Variants in UBXN11 observed in about 807,000 individuals in gnomAD.
The protein encoded by UBXN11 is UBX domain-containing protein 11.
In UBXN11, 47 loss-of-function variants were observed where a neutral mutation model predicts 62.8. That is an observed-to-expected ratio of 0.75 (90% CI 0.59 to 0.95). UBXN11 has a LOEUF of 0.95. Among genes scored for constraint, UBXN11 ranks in the 40% least tolerant of loss-of-function variants. UBXN11 has a pLI of 0.00. For synonymous variants in UBXN11, 294 were observed against 267.0 expected (o/e 1.10, Z -0.99); for missense variants, 638 against 661.7 (o/e 0.96, Z 0.39).
At chr1:26,310,748 A>G (rs1178874565), upstream of UBXN11, among the ~76,000 whole-genome samples, 31 of 132,888 alleles carry the variant, frequency 2.3e-4, no homozygotes, top group African/African-American at 8.0e-4. Context: ...AAAAAAAAAA[A>G]GGTGTTTTTT....
At chr1:26,301,608 C>G (rs2073535784) in intron 3 of UBXN11, 86 bp downstream of exon 3, 5 of 1,567,926 alleles carry the variant, frequency 3.2e-6, no homozygotes, top group Admixed American at 3.7e-5. Flanking sequence ...AAGGGCCTTT[C>G]TCGTGTGATT....
rs377372695 is a variant in UBXN11, at chr1:26,296,958, C to A, written c.393G>T (p.Thr131=). The A allele has an allele frequency of 1.2e-6, 2 of 1,607,948 alleles. No homozygotes were observed. Among genetic ancestry groups the A allele is most frequent in the Admixed American group, 1.7e-5 (1 of 59,290 alleles). ...ATLQRQEELE[T]MCVQLQRQVR... is the part of the protein sequence containing the mutation. ...CCTGCCGCTGCAGCTGCACACACAT[C>A]GTCTCCAGTTCCTCCTGCCGCTGCA... Residue 131 remains threonine (T), a synonymous_variant, in exon 7 of 15, where the codon ACG becomes ACT. Transcript: ENST00000374222.
chr1:26,292,050 C>A (rs1410473163), intron 8 of UBXN11, among the ~76,000 whole-genome samples: 1 of 152,198 alleles, frequency 6.6e-6, no homozygotes, highest in Non-Finnish European at 1.5e-5. Flanking sequence ...TTCTCACCAT[C>A]CCCACCCTCA....
chr1:26,293,144 G>A (rs1018477302), intron 8 of UBXN11, among the ~76,000 whole-genome samples: 5 of 152,184 alleles, frequency 3.3e-5, no homozygotes, highest in African/African-American at 9.7e-5. Flanking sequence ...GGCGCTCTGC[G>A]TTTAACTCAT....
rs1316227565 is a variant in UBXN11 at position 26,284,240 on chromosome 1, T to C, written c.979A>G (p.Arg327Gly). 5 of 1,612,070 alleles carry C rather than the reference T, an allele frequency of 3.1e-6. No homozygotes were observed. The highest frequency in any genetic ancestry group is 1.3e-5 in the African/African-American group (1 of 74,990). The change falls in exon 12 of 15, where the codon AGG (arginine) becomes GGG (glycine). Residue 327 changes from arginine to glycine, a missense_variant. By Grantham distance (125) the Arg-to-Gly change is moderately radical. Coordinates refer to ENST00000374222, the MANE Select transcript of UBXN11 (RefSeq NM_001389556.1). ...LDRVEEHPGSRMTAEKFLNRL... is the reference protein window; with the variant it reads ...LDRVEEHPGSGMTAEKFLNRL... The stretch of plus-strand genomic sequence containing the variant: ...TTCAGAAATTTCTCAGCAGTCATCC[T>C]GGAGCCTACAGGCAGAGTTGGGAAC...
chr1:26,288,103 C>G (rs769649881), intron 8 of UBXN11, among the ~76,000 whole-genome samples: 12 of 152,026 alleles, frequency 7.9e-5, no homozygotes, highest in Non-Finnish European at 1.6e-4. Flanking sequence ...GATGGGGTCT[C>G]GCTGTGTTAC....
upstream of UBXN11, among the ~76,000 whole-genome samples, chr1:26,308,608 T>C (rs1367948917): frequency 1.3e-5 from 2 of 152,168 alleles, no homozygotes; most frequent in Non-Finnish European, 2.9e-5. Context: ...TGAGAAAGAC[T>C]GAGATCATGT....
rs2073108276 is a variant in UBXN11 at position 26,285,519 on chromosome 1, T to C, written c.797A>G (p.Asp266Gly). ...STQRCLRDIL[D>G]GFFPSELQRL... The stretch of plus-strand genomic sequence containing the variant: ...CTGGAGCTCTGAGGGAAAGAAGCCA[T>C]CCAATATGTCTCGGAGGCAGCGCTG... Residue 266 changes from aspartate to glycine, a missense_variant, in exon 10 of 15, where the codon GAT becomes GGT. Asp to Gly is a moderately conservative substitution (Grantham distance 94). Coordinates refer to ENST00000374222, the MANE Select transcript of UBXN11 (RefSeq NM_001389556.1). 1 of 1,595,520 alleles carries C rather than the reference T, an allele frequency of 6.3e-7. No homozygotes were observed. Among genetic ancestry groups the C allele is most frequent in the Non-Finnish European group, 8.6e-7 (1 of 1,166,904 alleles).
rs367968435 is a variant in UBXN11 at position 26,282,454 on chromosome 1, G to T, written c.1408C>A (p.Arg470=). 40 of 1,604,904 alleles carry T rather than the reference G, an allele frequency of 2.5e-5. No individual in the cohort carries two copies. Among genetic ancestry groups the T allele is most frequent in the Non-Finnish European group, 3.3e-5 (39 of 1,178,442 alleles). The change falls in exon 15 of 15, where the codon CGG becomes AGG. Residue 470 remains arginine, a synonymous_variant. Coordinates refer to ENST00000374222, the MANE Select transcript of UBXN11 (RefSeq NM_001389556.1). The part of the protein sequence containing the change: ...GLVPKAALLL[R]ARRAPKSSLK... ...CTGGACTTCGGGGCTCGGCGTGCCC[G>T]CAGCAGCAGTGCTGCTTTGGGCACA...
At chr1:26,304,412 C>T (rs1570134451) in intron 1 of UBXN11, among the ~76,000 whole-genome samples, 1 of 151,882 alleles carries the variant, frequency 6.6e-6, no homozygotes, top group Admixed American at 6.6e-5. Flanking sequence ...AGGCCGGGAG[C>T]GGTGGCTCAT....
chr1:26,293,192 T>C (rs982308640), intron 8 of UBXN11, among the ~76,000 whole-genome samples: 1 of 152,142 alleles, frequency 6.6e-6, no homozygotes, highest in South Asian at 2.1e-4. Flanking sequence ...CACTCCTGTT[T>C]TGTTGATGAA....
upstream of UBXN11, among the ~76,000 whole-genome samples, chr1:26,308,290 GAA>G (rs758321896): frequency 6.9e-6 from 1 of 145,248 alleles, no homozygotes; most frequent in Non-Finnish European, 1.5e-5. Flanking sequence ...GAAAAGAAAA[GAA>G]AAAAGAAAAA....
At chr1:26,290,506 G>A (rs538036586) in intron 8 of UBXN11, among the ~76,000 whole-genome samples, 7 of 152,138 alleles carry the variant, frequency 4.6e-5, no homozygotes, top group African/African-American at 9.7e-5. Flanking sequence ...GGAGGGAAGC[G>A]GGCAAGGCGC....
upstream of UBXN11, chr1:26,306,856 C>T (rs1427870660): frequency 7.6e-6 from 1 of 131,286 alleles, no homozygotes; most frequent in East Asian, 2.0e-4. Context: ...TCGTTCCTAC[C>T]CTCAGGTGCG....
Position 26,282,504 on chromosome 1 carries a change from G to GT in UBXN11, c.1357dup (p.Thr453AsnfsTer?). ...AAGGCCTGCAGCCTGCAGCGTGAGTGTATCGTCCTGGTAGAGGGTGGGCGG... is the reference window on the plus strand; with the variant it reads ...AAGGCCTGCAGCCTGCAGCGTGAGTGTTATCGTCCTGGTAGAGGGTGGGCGG... On this transcript the variant is annotated frameshift_variant, in exon 15 of 15. Transcript: ENST00000374222. LOFTEE classifies it low-confidence loss of function (END_TRUNC). The GT allele has an allele frequency of 6.2e-7, 1 of 1,602,106 alleles. No homozygotes were observed. The highest frequency in any genetic ancestry group is 1.3e-5 in the African/African-American group (1 of 74,794).
At chr1:26,314,035 C>G (rs2073768390) in intron 1 of UBXN11, among the ~76,000 whole-genome samples, 9 of 152,112 alleles carry the variant, frequency 5.9e-5, no homozygotes. Context: ...TCGCCTCGGC[C>G]TCTCAAAGTT....
chr1:26,309,190 C>T (rs1289493597), upstream of UBXN11, among the ~76,000 whole-genome samples: 1 of 151,124 alleles, frequency 6.6e-6, no homozygotes, highest in Non-Finnish European at 1.5e-5. Context: ...ACCTCAGCCT[C>T]CCAAAGTGCT....
intron 4 of UBXN11, among the ~76,000 whole-genome samples, chr1:26,299,531 A>C (rs2073478174): frequency 6.6e-6 from 1 of 151,738 alleles, no homozygotes; most frequent in Non-Finnish European, 1.5e-5. Context: ...AAAAACAAAA[A>C]AAAAACCTGA....
At chr1:26,303,170 G>A (rs1557690168) in intron 1 of UBXN11, 1 of 312,690 alleles carries the variant, frequency 3.2e-6, no homozygotes, top group East Asian at 5.3e-5. Context: ...GGAAAGTACT[G>A]TGAGGGTGGG....
Sources: gnomAD v4.1 joint callset for allele counts (sites outside exome capture counted in the v4.1 genomes callset) on GRCh38, gnomAD v4.1.1 for gene constraint, MANE v1.5 for transcripts, NCBI Gene and HGNC (gene_info 2026-07-23, HGNC 2026-07-21) for gene names.